Variants in NDST4 observed in about 807,000 individuals in gnomAD.
NDST4 encodes the protein N-deacetylase and N-sulfotransferase 4, also known as N-heparan sulfate sulfotransferase 4.
Under a neutral mutation model 100.8 loss-of-function variants are expected in NDST4, and 63 were observed. That is an observed-to-expected ratio of 0.62 (90% CI 0.51 to 0.77). NDST4 has a LOEUF of 0.77. Ranked by LOEUF, NDST4 falls within the 30% of genes least tolerant of loss-of-function variation. The pLI is 0.00. For synonymous variants in NDST4, 377 were observed against 361.8 expected (o/e 1.04, Z -0.48); for missense variants, 943 against 1,018.4 (o/e 0.93, Z 1.01).
chr4:115,074,355 G>C (rs1359701175), intron 2 of NDST4, among the ~76,000 whole-genome samples: 1 of 151,938 alleles, frequency 6.6e-6, no homozygotes, highest in African/African-American at 2.4e-5. Flanking sequence ...TTGATCTTTA[G>C]CCTGAAACTA....
chr4:115,066,482 C>T (rs1728949819), intron 2 of NDST4, among the ~76,000 whole-genome samples: 1 of 152,094 alleles, frequency 6.6e-6, no homozygotes, highest in Admixed American at 6.6e-5. Context: ...TGTACAGTAA[C>T]TGTCCTCTTG....
At chr4:114,912,957 C>T (rs540512673) in intron 6 of NDST4, among the ~76,000 whole-genome samples, 2 of 151,882 alleles carry the variant, frequency 1.3e-5, no homozygotes, top group Admixed American at 1.3e-4. Context: ...TGCAATATAT[C>T]CATCTTTACT....
At chr4:115,062,219 T>A (rs1463115815) in intron 2 of NDST4, among the ~76,000 whole-genome samples, 1 of 152,034 alleles carries the variant, frequency 6.6e-6, no homozygotes, top group South Asian at 2.1e-4. Context: ...AACTAGAATT[T>A]TTAAGCAAGG....
chr4:114,972,168 C>A (rs1726529547), intron 3 of NDST4, among the ~76,000 whole-genome samples: 1 of 152,008 alleles, frequency 6.6e-6, no homozygotes, highest in Non-Finnish European at 1.5e-5. Flanking sequence ...TGTACTGTAA[C>A]ACGCCACTTA....
intron 2 of NDST4, among the ~76,000 whole-genome samples, chr4:115,053,200 C>A (rs1728621957): frequency 6.6e-6 from 1 of 151,954 alleles, no homozygotes; most frequent in Admixed American, 6.6e-5. Flanking sequence ...CTGAAACAGG[C>A]AATTTAAATA....
At chr4:115,096,137 CT>C (rs1159918044) in intron 1 of NDST4, among the ~76,000 whole-genome samples, 165 of 129,968 alleles carry the variant, frequency 1.3e-3, no homozygotes, top group Non-Finnish European at 2.1e-3. Context: ...TAAAACAAAA[CT>C]GACTAAATCC....
chr4:114,959,502 G>A (rs996440994), intron 4 of NDST4, among the ~76,000 whole-genome samples: 26 of 152,136 alleles, frequency 1.7e-4, no homozygotes, highest in African/African-American at 6.3e-4. Flanking sequence ...GCAGGCAATA[G>A]GGCATATGAG....
At chr4:114,972,922 T>C (rs1726547174) in intron 3 of NDST4, among the ~76,000 whole-genome samples, 1 of 152,072 alleles carries the variant, frequency 6.6e-6, no homozygotes, top group Admixed American at 6.6e-5. Context: ...AGAGATTATG[T>C]TAATTTATAA....
chr4:115,024,336 C>A (rs1479245168), intron 2 of NDST4, among the ~76,000 whole-genome samples: 1 of 152,128 alleles, frequency 6.6e-6, no homozygotes, highest in Non-Finnish European at 1.5e-5. Flanking sequence ...TTGAAAGCTG[C>A]TGTGTGGACT....
At chr4:114,964,341 A>C (rs1157748490) in intron 4 of NDST4, among the ~76,000 whole-genome samples, 1 of 152,216 alleles carries the variant, frequency 6.6e-6, no homozygotes, top group African/African-American at 2.4e-5. Context: ...GACATCTGTG[A>C]GAAATCCTGA....
chr4:114,843,892 G>C (rs1289547736), intron 10 of NDST4, among the ~76,000 whole-genome samples: 1 of 152,120 alleles, frequency 6.6e-6, no homozygotes, highest in Non-Finnish European at 1.5e-5. Flanking sequence ...ACTTCTCCCA[G>C]AGTGTCAGCT....
chr4:114,989,262 A>G (rs1027822450), intron 2 of NDST4, among the ~76,000 whole-genome samples: 2 of 152,228 alleles, frequency 1.3e-5, no homozygotes, highest in African/African-American at 2.4e-5. Context: ...AACAAGAGAC[A>G]GAAACAGTAT....
chr4:114,871,002 A>T (rs753446963), intron 6 of NDST4, 52 bp from the exon 7 acceptor site: 364 of 1,463,792 alleles, frequency 2.5e-4, no homozygotes, highest in Non-Finnish European at 2.9e-4. Context: ...TAAGCTTAAA[A>T]GTAGCAGTAC....
chr4:115,078,269 C>T lies in NDST4; in HGVS notation c.-246-987G>A, dbSNP rs1015818093. 3.3e-5 allele frequency among the ~76,000 whole-genome samples: 5 copies of T among 151,902 alleles called. No homozygotes were observed. In the East Asian group the frequency reaches 9.7e-4, roughly 29 times the overall value. ...AATCATGGTAGAAGGCAAGGGGGTG[C>T]CAGGTATCTCACATGGTGGAAGCAG... On this transcript the variant is annotated intron_variant, in intron 1 of 13. Transcript: ENST00000264363.
chr4:115,053,530 C>G (rs983226478), intron 2 of NDST4, among the ~76,000 whole-genome samples: 2 of 152,158 alleles, frequency 1.3e-5, no homozygotes, highest in Non-Finnish European at 2.9e-5. Context: ...AATTCTCAGT[C>G]CTTGCACTCT....
intron 6 of NDST4, among the ~76,000 whole-genome samples, chr4:114,914,000 TA>T (rs1327388855): frequency 1.3e-5 from 2 of 152,004 alleles, no homozygotes; most frequent in Admixed American, 1.3e-4. Context: ...TATTCAACCA[TA>T]AAAATGGAAT....
chr4:114,893,575 C>T (rs1287487889), intron 6 of NDST4, among the ~76,000 whole-genome samples: 1 of 151,504 alleles, frequency 6.6e-6, no homozygotes, highest in Non-Finnish European at 1.5e-5. Flanking sequence ...ATCCTTTGTC[C>T]ACTTTCTGAT....
At chr4:114,938,671 C>T (rs1397971263) in intron 4 of NDST4, among the ~76,000 whole-genome samples, 3 of 152,170 alleles carry the variant, frequency 2.0e-5, no homozygotes, top group Non-Finnish European at 4.4e-5. Context: ...TCAGTCTCGT[C>T]TAATAAGCAA....
chr4:114,907,614 G>A (rs1724979147), intron 6 of NDST4, among the ~76,000 whole-genome samples: 1 of 152,050 alleles, frequency 6.6e-6, no homozygotes, highest in Non-Finnish European at 1.5e-5. Context: ...TATCTAAACA[G>A]GAGACAGATA....
Sources: allele counts gnomAD v4.1 joint callset (sites outside exome capture counted in the v4.1 genomes callset), GRCh38; gene constraint gnomAD v4.1.1; transcripts MANE v1.5; gene names NCBI Gene and HGNC (gene_info 2026-07-23, HGNC 2026-07-21).